Variants in ADARB2 observed in about 807,000 individuals in gnomAD.
The protein encoded by ADARB2 is adenosine deaminase RNA specific B2 (inactive).
ADARB2 carries 25 observed loss-of-function variants against 62.2 expected under a neutral mutation model. The observed-to-expected ratio is 0.40, with a 90% CI of 0.29 to 0.56. The LOEUF is 0.56. Ranked by LOEUF, ADARB2 falls within the 20% of genes least tolerant of loss-of-function variation. The probability of loss-of-function intolerance (pLI) is 0.43; values close to 1 mark genes in which losing one functional copy is unlikely to be tolerated. For synonymous variants in ADARB2, 572 were observed against 500.8 expected (o/e 1.14, Z -1.90); for missense variants, 1,071 against 1,077.4 (o/e 0.99, Z 0.08).
intron 1 of ADARB2, among the ~76,000 whole-genome samples, chr10:1,701,898 C>T (rs1384064952): frequency 6.6e-6 from 1 of 151,332 alleles, no homozygotes; most frequent in Non-Finnish European, 1.5e-5. Context: ...CGCCAATACA[C>T]TCAATCCCAC....
chr10:1,410,309 G>A (rs1484733167), intron 1 of ADARB2, among the ~76,000 whole-genome samples: 4 of 135,792 alleles, frequency 2.9e-5, no homozygotes, highest in Admixed American at 6.9e-5. Flanking sequence ...AGGCCTGGCC[G>A]TGGTCATAGG....
intron 1 of ADARB2, among the ~76,000 whole-genome samples, chr10:1,589,004 G>A (rs1474070862): frequency 6.6e-6 from 1 of 152,174 alleles, no homozygotes; most frequent in Non-Finnish European, 1.5e-5. Flanking sequence ...CCCTGTGGCT[G>A]GGAGACGTAA....
chr10:1,390,299 G>A (rs1045241437), intron 1 of ADARB2, among the ~76,000 whole-genome samples: 2 of 152,174 alleles, frequency 1.3e-5, no homozygotes, highest in African/African-American at 4.8e-5. Flanking sequence ...ATCTCTGAAG[G>A]GTGCTTGTAG....
chr10:1,189,191 G>A (rs1449739676), intron 8 of ADARB2, among the ~76,000 whole-genome samples: 1 of 152,088 alleles, frequency 6.6e-6, no homozygotes, highest in Non-Finnish European at 1.5e-5. Context: ...ATTTTGGCCT[G>A]GGGGAGCCAC....
chr10:1,623,557 C>T (rs533685326), intron 1 of ADARB2, among the ~76,000 whole-genome samples: 1 of 152,220 alleles, frequency 6.6e-6, no homozygotes, highest in African/African-American at 2.4e-5. Context: ...CGCCTACACC[C>T]GCCTCTGGCC....
At chr10:1,621,860 T>C (rs1050367064) in intron 1 of ADARB2, among the ~76,000 whole-genome samples, 2 of 152,038 alleles carry the variant, frequency 1.3e-5, no homozygotes, top group African/African-American at 2.4e-5. Flanking sequence ...TTGTAGAGAA[T>C]GTCAAGCTCC....
intron 1 of ADARB2, among the ~76,000 whole-genome samples, chr10:1,531,698 G>T (rs1474677200): frequency 6.6e-6 from 1 of 152,134 alleles, no homozygotes; most frequent in Non-Finnish European, 1.5e-5. Context: ...TTAGCTGGAT[G>T]TGGTGTCAAA....
chr10:1,305,582 T>G (rs1464411272), intron 3 of ADARB2, among the ~76,000 whole-genome samples: 10 of 152,070 alleles, frequency 6.6e-5, no homozygotes, highest in Non-Finnish European at 1.2e-4. Context: ...TACCAAAGCC[T>G]GGCAGAGACA....
intron 1 of ADARB2, among the ~76,000 whole-genome samples, chr10:1,496,088 A>T (rs111068210): frequency 6.6e-6 from 1 of 151,852 alleles, no homozygotes; most frequent in Non-Finnish European, 1.5e-5. Flanking sequence ...CATCGTCATC[A>T]CCATCATCAT....
At chr10:1,601,890 T>C (rs1035011460) in intron 1 of ADARB2, among the ~76,000 whole-genome samples, 1 of 152,224 alleles carries the variant, frequency 6.6e-6, no homozygotes, top group African/African-American at 2.4e-5. Context: ...AGCAAAAGCA[T>C]TGAATGTGAG....
At chr10:1,643,035 A>G (rs1334346529) in intron 1 of ADARB2, among the ~76,000 whole-genome samples, 1 of 152,214 alleles carries the variant, frequency 6.6e-6, no homozygotes, top group African/African-American at 2.4e-5. Flanking sequence ...CAGGTAATGC[A>G]ACTAATAAAC....
intron 6 of ADARB2, among the ~76,000 whole-genome samples, chr10:1,218,224 T>C (rs368891049): frequency 1.1e-4 from 17 of 152,192 alleles, no homozygotes; most frequent in East Asian, 9.7e-4. Context: ...CTAATTTTTG[T>C]ATTTTCAGTA....
At position 1,712,960 on chromosome 10, in the gene ADARB2, G is replaced by A. The variant is rs904148296; in HGVS notation, c.100+24091C>T. Among the ~76,000 whole-genome samples the A allele has an allele frequency of 4.6e-5, 7 of 152,066 alleles. 1 individual carries two copies. The highest frequency in any genetic ancestry group is 3.3e-4 in the Admixed American group (5 of 15,272). ...CAAAAATGATTTTTCCTACTAACAC[G>A]AAGCTCCTTAGTCCCGACAGCAGGG... On this transcript the variant is annotated intron_variant, in intron 1 of 9. Coordinates refer to ENST00000381312, the MANE Select transcript of ADARB2 (RefSeq NM_018702.4).
intron 1 of ADARB2, among the ~76,000 whole-genome samples, chr10:1,521,334 C>T (rs1001802803): frequency 1.3e-5 from 2 of 152,118 alleles, no homozygotes; most frequent in Admixed American, 6.5e-5. Flanking sequence ...GGACTCAGCT[C>T]CTAACCACCT....
chr10:1,356,007 T>G (rs954558542), intron 3 of ADARB2, among the ~76,000 whole-genome samples: 1 of 152,218 alleles, frequency 6.6e-6, no homozygotes, highest in African/African-American at 2.4e-5. Context: ...ATAAATGTAT[T>G]GTTAAGCATC....
intron 1 of ADARB2, among the ~76,000 whole-genome samples, chr10:1,680,326 C>T (rs1185276575): frequency 1.3e-5 from 2 of 152,014 alleles, no homozygotes; most frequent in African/African-American, 2.4e-5. Flanking sequence ...CCTCCTTTTC[C>T]TCTCCTGCTT....
At chr10:1,513,090 T>C (rs969681456) in intron 1 of ADARB2, among the ~76,000 whole-genome samples, 1 of 152,234 alleles carries the variant, frequency 6.6e-6, no homozygotes, top group Non-Finnish European at 1.5e-5. Context: ...CCACACTGAA[T>C]GGTAACTTTG....
intron 1 of ADARB2, among the ~76,000 whole-genome samples, chr10:1,709,210 T>C (rs1834924800): frequency 1.3e-5 from 2 of 152,300 alleles, no homozygotes; most frequent in Middle Eastern, 6.8e-3. Context: ...CTAAGTCTCT[T>C]AAGGGGATGG....
intron 3 of ADARB2, among the ~76,000 whole-genome samples, chr10:1,272,648 A>G (rs1831273954): frequency 6.6e-6 from 1 of 152,286 alleles, no homozygotes. Flanking sequence ...CAGATTGCAG[A>G]TGAAAGGCAC....
Sources: gnomAD v4.1 joint callset for allele counts (sites outside exome capture counted in the v4.1 genomes callset) on GRCh38, gnomAD v4.1.1 for gene constraint, MANE v1.5 for transcripts, NCBI Gene and HGNC (gene_info 2026-07-23, HGNC 2026-07-21) for gene names.